The following ASPH variants were observed in gnomAD, a reference collection of about 807,000 sequenced individuals.
The protein encoded by ASPH is aspartate beta-hydroxylase.
ASPH carries 100 observed loss-of-function variants against 118.4 expected under a neutral mutation model. The observed-to-expected ratio is 0.84, with a 90% confidence interval of 0.72 to 1.00. The LOEUF is 1.00. Among genes scored for constraint, ASPH ranks in the 50% least tolerant of loss-of-function variants. The pLI, the probability that ASPH is intolerant of heterozygous loss-of-function variation, is 0.00. For missense variants in ASPH, 920 were observed against 919.5 expected (o/e 1.00, Z -0.01); for synonymous variants, 315 against 325.6 (o/e 0.97, Z 0.35).
Position 61,617,793 on chromosome 8 carries a change from C to T in ASPH, c.976+1185G>A, listed in dbSNP as rs113638526. Among the ~76,000 whole-genome samples, 799 of 151,514 alleles carry T rather than the reference C, an allele frequency of 5.3e-3. 7 individuals carry two copies. The highest frequency in any genetic ancestry group is 0.018 in the African/African-American group (741 of 41,326). On this transcript the variant is annotated intron_variant, in intron 14 of 24. Transcript: ENST00000379454. The stretch of plus-strand genomic sequence containing the variant: ...CTTAAAAAATACAAAAATTAGTTGG[C>T]GTGGTGGCATGTGTCTGTAATCCCA...
chr8:61,585,475 G>T (rs963454887), intron 14 of ASPH, among the ~76,000 whole-genome samples: 2 of 152,126 alleles, frequency 1.3e-5, no homozygotes, highest in African/African-American at 4.8e-5. Flanking sequence ...TCCCTATCTT[G>T]TCACAAAGGA....
intron 3 of ASPH, among the ~76,000 whole-genome samples, chr8:61,678,115 G>T (rs534895236): frequency 1.3e-5 from 2 of 152,124 alleles, no homozygotes; most frequent in Admixed American, 6.5e-5. Context: ...GTCTACAAAT[G>T]ATTTTCCAGG....
At chr8:61,656,043 C>T (rs1813500073) in intron 3 of ASPH, 1 of 152,092 alleles carries the variant, frequency 6.6e-6, no homozygotes, top group South Asian at 2.1e-4. Flanking sequence ...CACCCAAGCT[C>T]ATTTTAGTTC....
chr8:61,642,949 A>G (rs754251835), intron 9 of ASPH, 29 bp from the exon 10 acceptor site: 2 of 1,540,538 alleles, frequency 1.3e-6, no homozygotes, highest in South Asian at 1.2e-5. Flanking sequence ...TAAAAGCAAA[A>G]TAAGTATTAA....
chr8:61,567,469 T>C (rs1036047412), intron 16 of ASPH, 151 bp from the exon 17 acceptor site: 30 of 805,430 alleles, frequency 3.7e-5, no homozygotes, highest in Non-Finnish European at 5.6e-5. Context: ...TAAAAAAAAC[T>C]AACAAAAGAT....
intron 5 of ASPH, among the ~76,000 whole-genome samples, chr8:61,649,766 T>TA (rs1209154116): frequency 6.6e-6 from 1 of 151,990 alleles, no homozygotes; most frequent in African/African-American, 2.4e-5. Flanking sequence ...AACCTCCATC[T>TA]AATCTCCCAG....
At chr8:61,659,183 G>T (rs991642898) in intron 3 of ASPH, 3 of 152,296 alleles carry the variant, frequency 2.0e-5, no homozygotes, top group African/African-American at 7.2e-5. Context: ...TTCTCTCTCA[G>T]CCCCTTGCTT....
At chr8:61,680,230 C>T (rs1393006628) in intron 3 of ASPH, among the ~76,000 whole-genome samples, 1 of 151,644 alleles carries the variant, frequency 6.6e-6, no homozygotes, top group Non-Finnish European at 1.5e-5. Context: ...TCTAAAGACT[C>T]TTATATAAAA....
At chr8:61,504,647 G>A (rs1805732140) in intron 24 of ASPH, among the ~76,000 whole-genome samples, 1 of 152,080 alleles carries the variant, frequency 6.6e-6, no homozygotes, top group Admixed American at 6.6e-5. Context: ...ATATTTAGCG[G>A]CACCCCTGAC....
In ASPH at chr8:61,501,910, TGTGAATGAACTTTG is replaced by T. The variant is rs1342057719; in HGVS notation, c.*1435_*1448del. ...AAAGAAAGCACAAGTTTTTTCTACC[TGTGAATGAACTTTG>T]GTGACCTATATGTGCCATTCATGCA... On this transcript the variant is annotated 3_prime_UTR_variant, in exon 25 of 25. Coordinates refer to ENST00000379454, the MANE Select transcript of ASPH (RefSeq NM_004318.4). 6.6e-6 allele frequency: 1 copy of T among 152,216 alleles called. No individual in the cohort carries two copies. The highest frequency in any genetic ancestry group is 1.5e-5 in the Non-Finnish European group (1 of 68,022). The allele number at this position is 152,216 out of a possible 1,614,324, so 9.4% of individuals were successfully genotyped here.
At chr8:61,577,428 A>C (rs1420275867) in intron 15 of ASPH, among the ~76,000 whole-genome samples, 1 of 149,624 alleles carries the variant, frequency 6.7e-6, no homozygotes, top group Non-Finnish European at 1.5e-5. Flanking sequence ...AAAAAAGACA[A>C]GACACCTGAT....
In ASPH at chr8:61,714,166, C is replaced by T. The variant is rs1335809615; in HGVS notation, c.103+103G>A. ...GGAGCGTCGCGGGGGATGGAGGCGG[C>T]GCGCGGTGGGACCTGGGGAGATGCA... On this transcript the variant is annotated intron_variant, in intron 1 of 24. Transcript: ENST00000379454. The T allele has an allele frequency of 3.1e-6, 4 of 1,271,666 alleles. No homozygotes were observed. In the African/African-American group the frequency reaches 6.2e-5, roughly 20 times the overall value. The allele number at this position is 1,271,666 out of a possible 1,614,324, so 78.8% of individuals were successfully genotyped here.
intron 14 of ASPH, among the ~76,000 whole-genome samples, chr8:61,599,043 A>G (rs1843183357): frequency 1.3e-5 from 2 of 152,188 alleles, no homozygotes. Context: ...AAAAATGTAG[A>G]AAGATTTCAA....
At chr8:61,582,358 T>C (rs899797635) in intron 15 of ASPH, among the ~76,000 whole-genome samples, 1 of 152,214 alleles carries the variant, frequency 6.6e-6, no homozygotes, top group African/African-American at 2.4e-5. Flanking sequence ...ACCTGTGCAA[T>C]AGGCACTCCC....
rs987410488 is a variant in ASPH, at chr8:61,650,986, G to A, written c.490+64C>T. On this transcript the variant is annotated intron_variant, in intron 5 of 24. Coordinates refer to ENST00000379454, the MANE Select transcript of ASPH (RefSeq NM_004318.4). ...TTTAAATTTTAAAACAAATGTCCAA[G>A]TCATTTTACATAACTAAGCGTTATT... 7.5e-6 allele frequency: 11 copies of A among 1,462,882 alleles called. No homozygotes were observed. The Admixed American group carries it at 1.9e-4, about 25-fold the overall frequency. 90.6% of individuals were successfully genotyped at this position (1,462,882 alleles called of 1,614,324 possible).
intron 3 of ASPH, chr8:61,656,260 C>T (rs1325152834): frequency 6.6e-6 from 1 of 152,120 alleles, no homozygotes; most frequent in Non-Finnish European, 1.5e-5. Context: ...TACCAAACTG[C>T]CAGCTTATAA....
chr8:61,567,076 C>G, intron 17 of ASPH, 92 bp downstream of exon 17: 1 of 1,449,516 alleles, frequency 6.9e-7, no homozygotes, highest in Non-Finnish European at 9.2e-7. Flanking sequence ...TTTTCTCCCA[C>G]GTAATTCTTC....
rs139396667 is a variant in ASPH, at chr8:61,523,005, G to A, written c.1900+2972C>T. ...GTTCAGTCCATAGAAGAGACCTACC[G>A]TAATTTTACTTCCCAAAACTTCCAG... On this transcript the variant is annotated intron_variant, in intron 22 of 24. Transcript: ENST00000379454. 6.7e-3 allele frequency among the ~76,000 whole-genome samples: 1,019 copies of A among 152,252 alleles called. 10 individuals carry two copies. The highest frequency in any genetic ancestry group is 0.01 in the Middle Eastern group (3 of 294).
chr8:61,533,710 C>A (rs915885997), intron 21 of ASPH, among the ~76,000 whole-genome samples: 1 of 152,168 alleles, frequency 6.6e-6, no homozygotes, highest in Non-Finnish European at 1.5e-5. Flanking sequence ...GTACCAGGTG[C>A]CTTGAATTTC....
Sources: gnomAD v4.1 joint callset for allele counts (sites outside exome capture counted in the v4.1 genomes callset) on GRCh38, gnomAD v4.1.1 for gene constraint, MANE v1.5 for transcripts, NCBI Gene and HGNC (gene_info 2026-07-23, HGNC 2026-07-21) for gene names.